The following RC3H1 variants were observed in gnomAD, a reference collection of about 807,000 sequenced individuals.
RC3H1 encodes the protein roquin-1.
In RC3H1, 50 loss-of-function variants were observed where a neutral mutation model predicts 138.2. That is an observed-to-expected ratio of 0.36 (90% confidence interval 0.29 to 0.46). RC3H1 has a LOEUF of 0.46. Among genes scored for constraint, RC3H1 ranks in the 20% least tolerant of loss-of-function variants. The pLI, the probability that RC3H1 is intolerant of heterozygous loss-of-function variation, is 1.00. For missense variants in RC3H1, 1,031 were observed against 1,388.1 expected, an observed-to-expected ratio of 0.74 and a Z score of 4.09; for synonymous variants, 462 against 489.1, an observed-to-expected ratio of 0.94 and a Z score of 0.73.
intron 7 of RC3H1, 42 bp downstream of exon 7, chr1:173,978,446 A>G: frequency 6.3e-7 from 1 of 1,593,256 alleles, no homozygotes. Flanking sequence ...AGCAGCACGA[A>G]AGGCACATAT....
rs1660041999 is a variant in RC3H1, at chr1:173,964,911, C to A, written c.1544G>T (p.Ser515Ile). 2 of 1,614,010 alleles carry A rather than the reference C, an allele frequency of 1.2e-6. No individual in the cohort carries two copies. Among genetic ancestry groups the A allele is most frequent in the Non-Finnish European group, 1.7e-6 (2 of 1,180,006 alleles). ...TCCTGGTTTCAGACTAGAATCATAGCTGGGGTCTGTCCCTCGCGGAATAAG... is the reference window on the plus strand; with the variant it reads ...TCCTGGTTTCAGACTAGAATCATAGATGGGGTCTGTCCCTCGCGGAATAAG... ...TQLIPRGTDP[S>I]YDSSLKPGKI... The change falls in exon 10 of 20, where the codon AGC becomes ATC. Residue 515 changes from serine to isoleucine, a missense_variant. Physicochemically the swap from Ser to Ile is moderately radical, Grantham distance 142. Transcript: ENST00000367696.
intron 1 of RC3H1, among the ~76,000 whole-genome samples, chr1:174,012,546 G>A (rs965522909): frequency 4.0e-4 from 61 of 152,026 alleles, no homozygotes; most frequent in Non-Finnish European, 7.8e-4. Context: ...CACTTTGGGA[G>A]GCCGGGGCAG....
At chr1:173,966,829 C>T (rs897149068) in intron 9 of RC3H1, among the ~76,000 whole-genome samples, 18 of 152,286 alleles carry the variant, frequency 1.2e-4, no homozygotes, top group Non-Finnish European at 1.8e-4. Flanking sequence ...GAGAAAACTA[C>T]CCCTCAGGGG....
Position 173,972,494 on chromosome 1 carries a change from A to T in RC3H1, c.1221+15T>A. 1 of 1,590,766 alleles carries T rather than the reference A, an allele frequency of 6.3e-7. No homozygotes were observed. The highest frequency in any genetic ancestry group is 8.6e-7 in the Non-Finnish European group (1 of 1,158,862). On this transcript the variant is annotated intron_variant, in intron 8 of 19. Transcript: ENST00000367696. Reference sequence around the variant, plus strand: ...CCACAGTGGGTTAACTCTAAGTTTTAAACAGCTTCCTTACCTGCTGCTGAT... The same window carrying T: ...CCACAGTGGGTTAACTCTAAGTTTTTAACAGCTTCCTTACCTGCTGCTGAT...
intron 7 of RC3H1, among the ~76,000 whole-genome samples, chr1:173,976,554 AAT>A (rs751234847): frequency 3.9e-5 from 6 of 152,184 alleles, no homozygotes; most frequent in Admixed American, 6.5e-5. Context: ...ACCTTGACAA[AAT>A]AAGTTTGGAT....
At chr1:173,973,631 C>T (rs1172170259) in intron 7 of RC3H1, among the ~76,000 whole-genome samples, 8 of 151,690 alleles carry the variant, frequency 5.3e-5, no homozygotes, top group African/African-American at 1.9e-4. Flanking sequence ...AGTGCCAGCA[C>T]TATGATTTAT....
At chr1:174,004,080 T>C (rs1228778882) in intron 1 of RC3H1, among the ~76,000 whole-genome samples, 1 of 147,750 alleles carries the variant, frequency 6.8e-6, no homozygotes, top group Non-Finnish European at 1.5e-5. Flanking sequence ...TATAATTATA[T>C]ATTATTAATT....
intron 7 of RC3H1, among the ~76,000 whole-genome samples, 171 bp from the exon 8 acceptor site, chr1:173,972,798 T>G (rs1660420862): frequency 6.6e-6 from 1 of 152,214 alleles, no homozygotes; most frequent in African/African-American, 2.4e-5. Flanking sequence ...ATGGACATAT[T>G]CTTTCAAAGC....
At chr1:173,994,677 C>A (rs1661419166) in intron 1 of RC3H1, among the ~76,000 whole-genome samples, 1 of 150,500 alleles carries the variant, frequency 6.6e-6, no homozygotes, top group African/African-American at 2.4e-5. Flanking sequence ...GTGGTCCCAG[C>A]AACCCAGGAA....
chr1:173,942,683 T>C (rs1297896592), intron 18 of RC3H1, among the ~76,000 whole-genome samples: 1 of 151,112 alleles, frequency 6.6e-6, no homozygotes, highest in Non-Finnish European at 1.5e-5. Context: ...ATACAAAAAA[T>C]TAGCCAGGCG....
At chr1:173,941,653 C>CG (rs1487329502) in intron 18 of RC3H1, among the ~76,000 whole-genome samples, 1 of 152,204 alleles carries the variant, frequency 6.6e-6, no homozygotes, top group Non-Finnish European at 1.5e-5. Flanking sequence ...CCTAGAAAGG[C>CG]GGCCAGGCAT....
In RC3H1 at chr1:173,931,206, T is replaced by C. The variant is rs1389436598; in HGVS notation, c.*7515A>G. 7 of 152,284 alleles carry C rather than the reference T, an allele frequency of 4.6e-5. No individual in the cohort carries two copies. The highest frequency in any genetic ancestry group is 3.4e-3 in the Middle Eastern group (1 of 294). The allele number at this position is 152,284 out of a possible 1,614,324, so 9.4% of individuals were successfully genotyped here. A position where few individuals can be genotyped will look rare whatever the true frequency, so the allele number is the denominator to read the frequency against. On this transcript the variant is annotated 3_prime_UTR_variant, in exon 20 of 20. Transcript: ENST00000367696. ...AGATGGCACACACTCATTTACAAAATACACACGTTCCTCATTAATTTATCA... is the reference window on the plus strand; with the variant it reads ...AGATGGCACACACTCATTTACAAAACACACACGTTCCTCATTAATTTATCA...
rs374937083 is a variant in RC3H1 at position 173,951,052 on chromosome 1, C to T, written c.2523+934G>A. Among the ~76,000 whole-genome samples the T allele has an allele frequency of 2.0e-4, 29 of 143,176 alleles. No homozygotes were observed. The East Asian group carries it at 4.1e-3, about 20-fold the overall frequency. The allele number at this position is 143,176 out of a possible 152,430, so 93.9% of individuals were successfully genotyped here. A position where few individuals can be genotyped will look rare whatever the true frequency, so the allele number is the denominator to read the frequency against. On this transcript the variant is annotated intron_variant, in intron 14 of 19. Coordinates refer to ENST00000367696, the MANE Select transcript of RC3H1 (RefSeq NM_172071.4). The stretch of plus-strand genomic sequence containing the variant: ...AAAAGAGATAAGATGAAGCCAGGCA[C>T]GGTGGCTCACGCCTGTAATCCCAGC...
intron 7 of RC3H1, among the ~76,000 whole-genome samples, chr1:173,974,881 G>A (rs984075300): frequency 2.6e-5 from 4 of 152,188 alleles, no homozygotes; most frequent in Admixed American, 2.0e-4. Context: ...GGGGATGGTA[G>A]CAGTGAAGGT....
intron 17 of RC3H1, 127 bp downstream of exon 17, chr1:173,946,349 A>G (rs1659136118): frequency 1.3e-5 from 9 of 716,822 alleles, no homozygotes. Context: ...TTTGAAGAAT[A>G]GAAACCTATA....
chr1:174,021,433 A>C (rs1571247217), intron 1 of RC3H1, among the ~76,000 whole-genome samples: 1 of 149,388 alleles, frequency 6.7e-6, no homozygotes, highest in East Asian at 2.0e-4. Context: ...ATCCCTTACC[A>C]CTCCATCCTT....
intron 1 of RC3H1, among the ~76,000 whole-genome samples, chr1:174,007,069 A>G (rs1397875026): frequency 4.6e-5 from 7 of 152,118 alleles, no homozygotes; most frequent in South Asian, 4.1e-4. Context: ...CTCCTAACAC[A>G]ATAGGTTAGT....
intron 18 of RC3H1, among the ~76,000 whole-genome samples, chr1:173,942,445 A>AAAAAAAAAAAAAAAAAAAAAC (rs1658924016): frequency 6.7e-6 from 1 of 149,932 alleles, no homozygotes; most frequent in African/African-American, 2.5e-5. Flanking sequence ...AAAAAAAAAA[A>AAAAAAAAAAAAAAAAAAAAAC]AAAAAGAAAA....
intron 3 of RC3H1, among the ~76,000 whole-genome samples, chr1:173,984,218 A>C (rs934575026): frequency 7.9e-5 from 12 of 152,234 alleles, no homozygotes; most frequent in Non-Finnish European, 1.6e-4. Flanking sequence ...TCATCACATA[A>C]ACTAAAAATT....
Sources: allele counts gnomAD v4.1 joint callset (sites outside exome capture counted in the v4.1 genomes callset), GRCh38; gene constraint gnomAD v4.1.1; transcripts MANE v1.5; gene names NCBI Gene and HGNC (gene_info 2026-07-23, HGNC 2026-07-21).